Variants in FGL1 observed in about 807,000 individuals in gnomAD.
FGL1 encodes fibrinogen like 1, also known as fibrinogen-like protein 1.
In FGL1, 59 loss-of-function variants were observed where a neutral mutation model predicts 43.7. The ratio of observed to expected loss-of-function variants is 1.35; its 90% CI spans 1.10 to 1.68. The LOEUF (loss-of-function observed/expected upper bound fraction) is 1.68. Among genes scored for constraint, FGL1 ranks in the 40% most tolerant of loss-of-function variants. FGL1 has a pLI of 0.00. For synonymous variants in FGL1, 192 were observed against 126.5 expected (o/e 1.52, Z -3.48); for missense variants, 596 against 373.0 (o/e 1.60, Z -4.92).
intron 3 of FGL1, among the ~76,000 whole-genome samples, chr8:17,880,606 G>C (rs1479300784): frequency 6.6e-6 from 1 of 152,158 alleles, no homozygotes; most frequent in East Asian, 1.9e-4. Flanking sequence ...CCAACAGGGA[G>C]ATAAAAGTAC....
intron 2 of FGL1, 86 bp from the exon 3 acceptor site, chr8:17,882,265 T>A (rs975109613): frequency 8.0e-7 from 1 of 1,250,566 alleles, no homozygotes; most frequent in Admixed American, 2.5e-5. Context: ...AATCAGTGAT[T>A]CCATTTTGTC....
At position 17,883,581 on chromosome 8, in the gene FGL1, A is replaced by G. The variant is rs1585144972; in HGVS notation, c.64-1402T>C. 2.2e-5 allele frequency among the ~76,000 whole-genome samples: 3 copies of G among 135,986 alleles called. 1 individual carries two copies. Among genetic ancestry groups the G allele is most frequent in the African/African-American group, 8.7e-5 (3 of 34,460 alleles). 89.2% of individuals were successfully genotyped at this position (135,986 alleles called of 152,430 possible). On this transcript the variant is annotated intron_variant, in intron 2 of 7. Coordinates refer to ENST00000427924, the MANE Select transcript of FGL1 (RefSeq NM_004467.4). ...ATATAATATATTATATTTATACATA[A>G]TATACGTATATATAAAATTACATAA... is the stretch of plus-strand genomic sequence containing the variant.
chr8:17,882,018 T>C lies in FGL1; in HGVS notation c.225A>G (p.Gly75=), dbSNP rs375523569. ...KGDENTVIDL[G]SKRQYADCSE... is the part of the protein sequence containing the mutation. ...TCTGACCTGCATACTGCCTCTTGCT[T>C]CCAAGATCAATGACAGTATTCTCAT... Residue 75 remains glycine, a synonymous_variant, in exon 3 of 8, where the codon GGA becomes GGG. Transcript: ENST00000427924. 1.9e-5 allele frequency: 31 copies of C among 1,613,928 alleles called. No homozygotes were observed. The African/African-American group carries it at 3.6e-4, about 19-fold the overall frequency.
chr8:17,870,266 G>C (rs1241442415), intron 5 of FGL1, among the ~76,000 whole-genome samples: 1 of 152,070 alleles, frequency 6.6e-6, no homozygotes, highest in Non-Finnish European at 1.5e-5. Context: ...AGAGCATTAT[G>C]TTTTTAAAAT....
intron 5 of FGL1, among the ~76,000 whole-genome samples, chr8:17,871,037 G>C (rs1431459674): frequency 6.6e-6 from 1 of 152,024 alleles, no homozygotes; most frequent in Admixed American, 6.6e-5. Context: ...CTCAAGACTG[G>C]AGTCCCTTTA....
chr8:17,885,631 G>T (rs981900676), intron 1 of FGL1, 60 bp from the exon 2 acceptor site: 35 of 1,431,482 alleles, frequency 2.4e-5, no homozygotes, highest in Non-Finnish European at 3.3e-5. Flanking sequence ...TGAGACCAGA[G>T]TTCAGACTTC....
intron 5 of FGL1, among the ~76,000 whole-genome samples, chr8:17,872,026 T>C (rs1302492470): frequency 6.6e-6 from 1 of 152,156 alleles, no homozygotes; most frequent in African/African-American, 2.4e-5. Context: ...GAAGTTGGTA[T>C]GGCAAATTTT....
intron 1 of FGL1, among the ~76,000 whole-genome samples, chr8:17,893,263 C>T (rs542623285): frequency 7.2e-5 from 11 of 152,026 alleles, no homozygotes; most frequent in Non-Finnish European, 1.3e-4. Context: ...GAAATTTTCT[C>T]ATTCCAATGT....
chr8:17,879,745 G>A (rs191330392), intron 3 of FGL1, among the ~76,000 whole-genome samples: 2 of 151,582 alleles, frequency 1.3e-5, no homozygotes, highest in African/African-American at 4.9e-5. Flanking sequence ...CTTTATAAAC[G>A]ACCCAGCCTC....
intron 4 of FGL1, 61 bp from the exon 5 acceptor site, chr8:17,874,177 ACCAC>A: frequency 7.0e-7 from 1 of 1,425,622 alleles, no homozygotes; most frequent in Non-Finnish European, 9.8e-7. Flanking sequence ...CAAAGCGACC[ACCAC>A]CCACCCCCTG....
chr8:17,884,814 G>C (rs967043759), intron 2 of FGL1, among the ~76,000 whole-genome samples: 5 of 152,050 alleles, frequency 3.3e-5, no homozygotes, highest in Non-Finnish European at 5.9e-5. Flanking sequence ...CAAGAACTTT[G>C]AATGAATGTT....
intron 1 of FGL1, among the ~76,000 whole-genome samples, chr8:17,890,486 T>C (rs1047326972): frequency 1.3e-5 from 2 of 152,164 alleles, no homozygotes; most frequent in African/African-American, 4.8e-5. Context: ...TCTCTCTACC[T>C]GGAATGCTCT....
chr8:17,891,882 G>A (rs1585154069), intron 1 of FGL1: 1 of 683,052 alleles, frequency 1.5e-6, no homozygotes, highest in Non-Finnish European at 1.8e-6. Flanking sequence ...TTGCAAATAT[G>A]TCATGTCAAT....
intron 7 of FGL1, among the ~76,000 whole-genome samples, 162 bp from the exon 8 acceptor site, chr8:17,864,913 C>A (rs951492419): frequency 6.6e-6 from 1 of 152,042 alleles, no homozygotes; most frequent in Non-Finnish European, 1.5e-5. Context: ...TGAGAAATTT[C>A]TACAACAGAT....
intron 3 of FGL1, among the ~76,000 whole-genome samples, chr8:17,877,057 G>A (rs1202550383): frequency 6.6e-6 from 1 of 152,158 alleles, no homozygotes; most frequent in Non-Finnish European, 1.5e-5. Context: ...AAGTTAAGAA[G>A]CCTGCTTTGG....
intron 2 of FGL1, among the ~76,000 whole-genome samples, chr8:17,883,352 A>T (rs1661871524): frequency 9.0e-6 from 1 of 111,288 alleles, no homozygotes; most frequent in Non-Finnish European, 1.6e-5. Flanking sequence ...TATATAATAT[A>T]ATAATAATAT....
intron 1 of FGL1, among the ~76,000 whole-genome samples, chr8:17,888,419 A>G (rs1348134741): frequency 6.6e-6 from 1 of 152,222 alleles, no homozygotes; most frequent in African/African-American, 2.4e-5. Context: ...AGATAAAAAC[A>G]TTGACTGCAC....
intron 2 of FGL1, 112 bp downstream of exon 2, chr8:17,885,380 C>T: frequency 1.2e-6 from 1 of 861,868 alleles, no homozygotes; most frequent in Non-Finnish European, 1.8e-6. Context: ...GCTTTTCCCA[C>T]ATAGTTAAGT....
intron 1 of FGL1, among the ~76,000 whole-genome samples, chr8:17,886,427 C>G (rs981855940): frequency 6.6e-6 from 1 of 151,218 alleles, no homozygotes; most frequent in Non-Finnish European, 1.5e-5. Context: ...GAAAGAACAG[C>G]TAGTGTGCAA....
Sources: gnomAD v4.1 joint callset for allele counts (sites outside exome capture counted in the v4.1 genomes callset) on GRCh38, gnomAD v4.1.1 for gene constraint, MANE v1.5 for transcripts, NCBI Gene and HGNC (gene_info 2026-07-23, HGNC 2026-07-21) for gene names.